The following ZNF423 variants were observed in gnomAD, a reference collection of about 807,000 sequenced individuals.
ZNF423 encodes the protein Ebf-associated zinc finger protein.
Under a neutral mutation model 95.8 loss-of-function variants are expected in ZNF423, and 12 were observed. The observed-to-expected ratio is 0.13, with a 90% CI of 0.08 to 0.20. The LOEUF is 0.20. Ranked by LOEUF, ZNF423 falls within the 10% of genes least tolerant of loss-of-function variation. ZNF423 has a pLI of 1.00. For missense variants in ZNF423, 1,316 were observed against 1,737.1 expected, an observed-to-expected ratio of 0.76 and a Z score of 4.31; for synonymous variants, 749 against 711.9, an observed-to-expected ratio of 1.05 and a Z score of -0.83.
chr16:49,815,894 ATATATATATATATATATATATTTTTTT>A (rs2034838751), intron 1 of ZNF423, among the ~76,000 whole-genome samples: 2 of 62,030 alleles, frequency 3.2e-5, no homozygotes, highest in African/African-American at 1.8e-4. Flanking sequence ...ATATATATAT[ATATATATATATATATATATATTTTTTT>A]TTTTTTTTTT....
At chr16:49,625,469 T>C (rs962848789) in intron 5 of ZNF423, among the ~76,000 whole-genome samples, 1 of 152,218 alleles carries the variant, frequency 6.6e-6, no homozygotes, top group Non-Finnish European at 1.5e-5. Context: ...ACCAGGCTTC[T>C]TGAAGCTCTC....
chr16:49,570,309 G>A (rs552240342), intron 5 of ZNF423, among the ~76,000 whole-genome samples: 1 of 152,222 alleles, frequency 6.6e-6, no homozygotes, highest in Admixed American at 6.5e-5. Flanking sequence ...AACTCTCATG[G>A]CAACCATGTG....
At chr16:49,671,288 C>T (rs1351627579) in intron 3 of ZNF423, among the ~76,000 whole-genome samples, 2 of 152,192 alleles carry the variant, frequency 1.3e-5, no homozygotes, top group Non-Finnish European at 2.9e-5. Flanking sequence ...AGGGGGTCCC[C>T]TCTGATCTTG....
At chr16:49,742,550 C>T (rs913489993) in intron 2 of ZNF423, among the ~76,000 whole-genome samples, 1 of 152,074 alleles carries the variant, frequency 6.6e-6, no homozygotes, top group Non-Finnish European at 1.5e-5. Flanking sequence ...GTTACCTCCT[C>T]GTGACCTCCT....
At chr16:49,513,772 G>A (rs1185626441) in intron 7 of ZNF423, among the ~76,000 whole-genome samples, 4 of 152,118 alleles carry the variant, frequency 2.6e-5, no homozygotes, top group Non-Finnish European at 5.9e-5. Flanking sequence ...TATGGCCAAC[G>A]GAATCAGGGG....
At position 49,636,476 on chromosome 16, in the gene ZNF423, C is replaced by T; in HGVS notation, c.2700G>A (p.Gly900=). The T allele has an allele frequency of 6.2e-7, 1 of 1,613,622 alleles. No homozygotes were observed. Among genetic ancestry groups the T allele is most frequent in the Non-Finnish European group, 8.5e-7 (1 of 1,180,008 alleles). Residue 900 remains glycine (G), a synonymous_variant, in exon 4 of 8, where the codon GGG becomes GGA. Coordinates refer to ENST00000563137, the MANE Select transcript of ZNF423 (RefSeq NM_001379286.1). The surrounding 1 kb of genome is among the most constrained non-coding windows in gnomAD (Gnocchi z 8.6). ...SEPMYGCDIC[G]AAYTMEVLLQ... ...GCAGCACCTCCATGGTGTAGGCCGC[C>T]CCACAGATGTCACAGCCGTACATGG...
intron 2 of ZNF423, among the ~76,000 whole-genome samples, chr16:49,781,528 C>T (rs1436532049): frequency 6.6e-6 from 1 of 152,146 alleles, no homozygotes; most frequent in Admixed American, 6.5e-5. Flanking sequence ...TGCAGAAGCG[C>T]AGGGGTGTGG....
chr16:49,612,119 C>T (rs1203554550), intron 5 of ZNF423, among the ~76,000 whole-genome samples: 2 of 152,066 alleles, frequency 1.3e-5, no homozygotes, highest in South Asian at 2.1e-4. Flanking sequence ...GGAAAGGGCA[C>T]TTCCCAGTTT....
chr16:49,564,681 C>A (rs1278591660), intron 5 of ZNF423, among the ~76,000 whole-genome samples: 3 of 152,214 alleles, frequency 2.0e-5, no homozygotes, highest in Non-Finnish European at 4.4e-5. Flanking sequence ...GGTGTGGTGG[C>A]ACTGAGCTCC....
At chr16:49,800,915 C>G (rs919588534) in intron 1 of ZNF423, among the ~76,000 whole-genome samples, 4 of 152,146 alleles carry the variant, frequency 2.6e-5, no homozygotes, top group Non-Finnish European at 5.9e-5. Context: ...CAGCCATTCA[C>G]CCCTCGTTCT....
chr16:49,559,445 C>G lies in ZNF423; in HGVS notation c.3602-33951G>C, dbSNP rs183353437. ...AGGAGGCCCCAGGGAACATCCTCAC[C>G]AGTCTCCATCCATCCCTGATGAAAT... On this transcript the variant is annotated intron_variant, in intron 5 of 7. Coordinates refer to ENST00000563137, the MANE Select transcript of ZNF423 (RefSeq NM_001379286.1). Among the ~76,000 whole-genome samples the G allele has an allele frequency of 3.2e-3, 491 of 152,318 alleles. 7 individuals carry two copies. Among genetic ancestry groups the G allele is most frequent in the Admixed American group, 0.028 (421 of 15,306 alleles).
chr16:49,837,901 G>A (rs540557827), intron 1 of ZNF423, among the ~76,000 whole-genome samples: 3 of 152,192 alleles, frequency 2.0e-5, no homozygotes, highest in African/African-American at 4.8e-5. Context: ...GGACCTTGTC[G>A]AAGTCAGATA....
intron 3 of ZNF423, among the ~76,000 whole-genome samples, chr16:49,663,398 C>A (rs895428397): frequency 2.6e-5 from 4 of 152,110 alleles, no homozygotes; most frequent in African/African-American, 7.2e-5. Flanking sequence ...CCCCAGCCCA[C>A]CCCCCTCGAG....
In ZNF423 at chr16:49,578,927, C is replaced by G. The variant is rs563974908; in HGVS notation, c.3601+47243G>C. Among the ~76,000 whole-genome samples, 7 of 152,304 alleles carry G rather than the reference C, an allele frequency of 4.6e-5. No individual in the cohort carries two copies. The East Asian group carries it at 1.2e-3, about 25-fold the overall frequency. ...AATATTCATCTGGTTTTGGTTGGGACTGAGAGGGTGTGTGTGTTTCAGGGA... is the reference window on the plus strand; with the variant it reads ...AATATTCATCTGGTTTTGGTTGGGAGTGAGAGGGTGTGTGTGTTTCAGGGA... On this transcript the variant is annotated intron_variant, in intron 5 of 7. Coordinates refer to ENST00000563137, the MANE Select transcript of ZNF423 (RefSeq NM_001379286.1).
At chr16:49,652,451 G>A (rs1338677912) in intron 3 of ZNF423, among the ~76,000 whole-genome samples, 2 of 152,004 alleles carry the variant, frequency 1.3e-5, no homozygotes, top group Admixed American at 6.5e-5. Context: ...CAGCAAGGAA[G>A]AGCCCCCCAA....
rs184400653 is a variant in ZNF423 at position 49,610,762 on chromosome 16, T to C, written c.3601+15408A>G. ...AGGAAAATGACTCACCTATGTGCTG[T>C]CTACAAAAAACTCACTTAAAATATA... On this transcript the variant is annotated intron_variant, in intron 5 of 7. Coordinates refer to ENST00000563137, the MANE Select transcript of ZNF423 (RefSeq NM_001379286.1). 5.1e-4 allele frequency among the ~76,000 whole-genome samples: 77 copies of C among 152,102 alleles called. 2 individuals carry two copies. The highest frequency in any genetic ancestry group is 7.4e-5 in the Non-Finnish European group (5 of 67,900).
At chr16:49,531,417 G>A (rs535384158) in intron 5 of ZNF423, among the ~76,000 whole-genome samples, 1 of 152,140 alleles carries the variant, frequency 6.6e-6, no homozygotes, top group Admixed American at 6.5e-5. Context: ...ATCTTGCCAG[G>A]AGGCAAGAGG....
intron 5 of ZNF423, among the ~76,000 whole-genome samples, chr16:49,565,333 T>G (rs537064713): frequency 7.2e-5 from 11 of 152,246 alleles, no homozygotes; most frequent in Admixed American, 2.6e-4. Context: ...CAGGAAACTT[T>G]CAAAAAGCCT....
At position 49,583,520 on chromosome 16, in the gene ZNF423, A is replaced by G. The variant is rs1261101058; in HGVS notation, c.3601+42650T>C. Among the ~76,000 whole-genome samples, 4 of 152,202 alleles carry G rather than the reference A, an allele frequency of 2.6e-5. 1 individual carries two copies. Among genetic ancestry groups the G allele is most frequent in the African/African-American group, 9.7e-5 (4 of 41,446 alleles). ...CTATCAATTTTATTCTAATGACATA[A>G]TTTTCTTTACAGATGCATTAACCAT... On this transcript the variant is annotated intron_variant, in intron 5 of 7. Transcript: ENST00000563137.
Sources: gnomAD v4.1 joint callset for allele counts (sites outside exome capture counted in the v4.1 genomes callset) on GRCh38, gnomAD v4.1.1 for gene constraint, Gnocchi (gnomAD v3.1) non-coding constraint, MANE v1.5 for transcripts, NCBI Gene and HGNC (gene_info 2026-07-23, HGNC 2026-07-21) for gene names.